Variants in CRACR2A observed in about 807,000 individuals in gnomAD.
The protein encoded by CRACR2A is EF-hand calcium-binding domain-containing protein 4B.
In CRACR2A, 79 loss-of-function variants were observed where a neutral mutation model predicts 90.5. That is an observed-to-expected ratio of 0.87 (90% confidence interval 0.73 to 1.05). The LOEUF (loss-of-function observed/expected upper bound fraction) is 1.05, where lower values mean the gene tolerates loss of function less well. Among genes scored for constraint, CRACR2A ranks in the 50% least tolerant of loss-of-function variants. The pLI, the probability that CRACR2A is intolerant of heterozygous loss-of-function variation, is 0.00. For missense variants in CRACR2A, 823 were observed against 897.2 expected, an observed-to-expected ratio of 0.92 and a Z score of 1.06; for synonymous variants, 338 against 356.7, an observed-to-expected ratio of 0.95 and a Z score of 0.59.
At chr12:3,734,489 C>T (rs1017962195) in intron 1 of CRACR2A, among the ~76,000 whole-genome samples, 3 of 151,942 alleles carry the variant, frequency 2.0e-5, no homozygotes, top group Non-Finnish European at 2.9e-5. Context: ...GGTATATGTC[C>T]GAAGGAAACA....
At chr12:3,697,405 T>A (rs1945760375) in intron 3 of CRACR2A, among the ~76,000 whole-genome samples, 1 of 152,204 alleles carries the variant, frequency 6.6e-6, no homozygotes, top group Non-Finnish European at 1.5e-5. Flanking sequence ...CACCATGCCA[T>A]GGCCTCTATA....
At chr12:3,629,214 G>A (rs939474587) in intron 15 of CRACR2A, among the ~76,000 whole-genome samples, 1 of 151,758 alleles carries the variant, frequency 6.6e-6, no homozygotes, top group African/African-American at 2.4e-5. Flanking sequence ...ACGAGCCGTC[G>A]TGCCTTGCCC....
intron 4 of CRACR2A, among the ~76,000 whole-genome samples, chr12:3,689,252 G>C (rs1337710325): frequency 6.6e-6 from 1 of 152,110 alleles, no homozygotes; most frequent in Admixed American, 6.5e-5. Context: ...GGTGAGAGAG[G>C]GCATCCTTGT....
rs140543964 is a variant in CRACR2A at position 3,641,855 on chromosome 12, T to C, written c.1165-17A>G. ...CTTATTTTTCTGTAGAAACACAAAA[T>C]GTCCTCAGATCCATGCCTATTTGCT... On this transcript the variant is annotated splice_polypyrimidine_tract_variant and intron_variant, in intron 12 of 19. Coordinates refer to ENST00000440314, the MANE Select transcript of CRACR2A (RefSeq NM_001144958.2). 106 of 1,549,904 alleles carry C rather than the reference T, an allele frequency of 6.8e-5. No individual in the cohort carries two copies. Among genetic ancestry groups the C allele is most frequent in the African/African-American group, 4.0e-4 (29 of 73,144 alleles).
chr12:3,718,432 G>C (rs139550043), intron 2 of CRACR2A, among the ~76,000 whole-genome samples: 112 of 152,274 alleles, frequency 7.4e-4, no homozygotes, highest in Middle Eastern at 6.8e-3. Flanking sequence ...CCATGCCTTG[G>C]GGGGATGGCA....
At chr12:3,695,133 A>T (rs750818564) in intron 4 of CRACR2A, among the ~76,000 whole-genome samples, 3 of 152,190 alleles carry the variant, frequency 2.0e-5, no homozygotes, top group South Asian at 4.1e-4. Flanking sequence ...GTTGCACAGT[A>T]CTTGTGGCCC....
intron 1 of CRACR2A, among the ~76,000 whole-genome samples, chr12:3,750,833 A>G (rs1447207146): frequency 6.6e-6 from 1 of 152,180 alleles, no homozygotes; most frequent in Non-Finnish European, 1.5e-5. Context: ...TGCAACAAGG[A>G]GCCCCAAGGC....
intron 3 of CRACR2A, among the ~76,000 whole-genome samples, chr12:3,701,151 T>C (rs1314325624): frequency 2.0e-5 from 3 of 151,484 alleles, no homozygotes; most frequent in Middle Eastern, 3.2e-3. Context: ...AAAAAATATA[T>C]TGAACTAAAT....
chr12:3,673,419 G>A, intron 7 of CRACR2A, 27 bp downstream of exon 7: 1 of 1,596,494 alleles, frequency 6.3e-7, no homozygotes, highest in Non-Finnish European at 8.5e-7. Context: ...CATAGTTACA[G>A]AAAGCGGCTG....
intron 17 of CRACR2A, among the ~76,000 whole-genome samples, chr12:3,625,445 T>TC (rs1435219802): frequency 6.6e-6 from 1 of 151,176 alleles, no homozygotes; most frequent in Non-Finnish European, 1.5e-5. Flanking sequence ...AGAGCGTAGT[T>TC]CCCCAAATTT....
At chr12:3,730,963 C>T (rs1279931639) in intron 2 of CRACR2A, 2 of 152,178 alleles carry the variant, frequency 1.3e-5, no homozygotes, top group Non-Finnish European at 2.9e-5. Flanking sequence ...ACACTGTATA[C>T]ACCAGCTACT....
chr12:3,616,934 T>A lies in CRACR2A; in HGVS notation c.2111+20A>T. 6.5e-7 allele frequency: 1 copy of A among 1,540,776 alleles called. No homozygotes were observed. The highest frequency in any genetic ancestry group is 8.8e-7 in the Non-Finnish European group (1 of 1,137,160). ...AGCTGGACACAGCAGTTACTGCACCTGGGGAGCACATCTCTTTACCTGGCC... is the reference window on the plus strand; with the variant it reads ...AGCTGGACACAGCAGTTACTGCACCAGGGGAGCACATCTCTTTACCTGGCC... On this transcript the variant is annotated intron_variant, in intron 19 of 19. Coordinates refer to ENST00000440314, the MANE Select transcript of CRACR2A (RefSeq NM_001144958.2).
At chr12:3,661,372 C>T (rs1341364236) in intron 7 of CRACR2A, among the ~76,000 whole-genome samples, 2 of 152,206 alleles carry the variant, frequency 1.3e-5, no homozygotes, top group Non-Finnish European at 2.9e-5. Context: ...AGACCAGAAA[C>T]TTGATTTTGA....
chr12:3,745,825 T>TAAAATAAAATAAAG (rs149739964), intron 1 of CRACR2A, among the ~76,000 whole-genome samples: 25,274 of 100,016 alleles, frequency 0.25, 4,522 homozygotes, highest in Admixed American at 0.33. Flanking sequence ...TAAAATAAAA[T>TAAAATAAAATAAAG]AAAGAAAGAA....
intron 4 of CRACR2A, among the ~76,000 whole-genome samples, chr12:3,685,592 C>G (rs192923448): frequency 5.2e-4 from 79 of 152,260 alleles, no homozygotes; most frequent in African/African-American, 1.8e-3. Flanking sequence ...TACAGATGAA[C>G]CTTGAGGACA....
chr12:3,630,358 C>T (rs545861954), intron 15 of CRACR2A, among the ~76,000 whole-genome samples: 1 of 152,270 alleles, frequency 6.6e-6, no homozygotes, highest in Admixed American at 6.5e-5. Flanking sequence ...CAGCCCTGAG[C>T]TGTCATAAGG....
intron 17 of CRACR2A, 61 bp from the exon 18 acceptor site, chr12:3,619,433 C>G: frequency 7.4e-7 from 1 of 1,360,514 alleles, no homozygotes; most frequent in Non-Finnish European, 1.0e-6. Context: ...AGAGGGCAGG[C>G]TAACAATGCC....
intron 3 of CRACR2A, among the ~76,000 whole-genome samples, chr12:3,707,919 C>G (rs550527048): frequency 1.3e-5 from 2 of 152,238 alleles, no homozygotes; most frequent in South Asian, 4.1e-4. Flanking sequence ...AACACTATCC[C>G]CACTTTACAG....
At chr12:3,644,402 G>A (rs1944647449) in intron 12 of CRACR2A, among the ~76,000 whole-genome samples, 193 bp downstream of exon 12, 1 of 152,102 alleles carries the variant, frequency 6.6e-6, no homozygotes. Context: ...GCATTACTCT[G>A]TGGAAAATTA....
Sources: allele counts gnomAD v4.1 joint callset (sites outside exome capture counted in the v4.1 genomes callset), GRCh38; gene constraint gnomAD v4.1.1; transcripts MANE v1.5; gene names NCBI Gene and HGNC (gene_info 2026-07-23, HGNC 2026-07-21).